The following LRRIQ1 variants were observed in gnomAD, a reference collection of about 807,000 sequenced individuals.
The protein encoded by LRRIQ1 is leucine rich repeats and IQ motif containing 1.
LRRIQ1 carries 210 observed loss-of-function variants against 211.9 expected under a neutral mutation model. The observed-to-expected ratio is 0.99, with a 90% CI of 0.89 to 1.11. The LOEUF is 1.11. Ranked by LOEUF, LRRIQ1 falls within the 50% of genes most tolerant of loss-of-function variation. The probability of loss-of-function intolerance (pLI) is 0.00; values close to 1 mark genes in which losing one functional copy is unlikely to be tolerated. For missense variants in LRRIQ1, 2,136 were observed against 1,939.5 expected (o/e 1.10, Z -1.90); for synonymous variants, 699 against 650.1 (o/e 1.08, Z -1.14).
intron 3 of LRRIQ1, among the ~76,000 whole-genome samples, chr12:85,041,409 G>A (rs947862194): frequency 6.6e-6 from 1 of 151,454 alleles, no homozygotes; most frequent in African/African-American, 2.4e-5. Context: ...TGCTATGAAG[G>A]AAAAAAATGT....
At chr12:85,224,340 A>G (rs1894545217) in intron 24 of LRRIQ1, among the ~76,000 whole-genome samples, 1 of 152,172 alleles carries the variant, frequency 6.6e-6, no homozygotes, top group African/African-American at 2.4e-5. Flanking sequence ...CAGTGTGGCA[A>G]TCTAGAACCA....
intron 15 of LRRIQ1, among the ~76,000 whole-genome samples, chr12:85,108,281 C>T (rs541048014): frequency 1.3e-3 from 197 of 152,160 alleles, no homozygotes; most frequent in Non-Finnish European, 2.4e-3. Context: ...TAATTTAGCC[C>T]TACTACTATG....
intron 19 of LRRIQ1, among the ~76,000 whole-genome samples, chr12:85,150,884 T>C (rs989811827): frequency 6.6e-6 from 1 of 151,676 alleles, no homozygotes; most frequent in Non-Finnish European, 1.5e-5. Context: ...CATGAGATTT[T>C]GAAATATGTA....
intron 4 of LRRIQ1, among the ~76,000 whole-genome samples, chr12:85,045,643 A>G (rs1184603038): frequency 1.3e-5 from 2 of 151,958 alleles, no homozygotes; most frequent in Non-Finnish European, 2.9e-5. Flanking sequence ...CATATAGAAT[A>G]TATAAAAAGT....
intron 24 of LRRIQ1, among the ~76,000 whole-genome samples, chr12:85,222,943 C>A (rs61930053): frequency 6.6e-6 from 1 of 152,184 alleles, no homozygotes; most frequent in African/African-American, 2.4e-5. Flanking sequence ...AAGAAGGAAC[C>A]AGATTAGTAG....
intron 24 of LRRIQ1, among the ~76,000 whole-genome samples, chr12:85,175,179 A>G (rs1017660033): frequency 6.6e-6 from 1 of 152,132 alleles, no homozygotes; most frequent in Non-Finnish European, 1.5e-5. Context: ...TACTGAGGGA[A>G]CTGCTCCACT....
chr12:85,078,198 T>A (rs1195601244), intron 11 of LRRIQ1, among the ~76,000 whole-genome samples: 1 of 152,156 alleles, frequency 6.6e-6, no homozygotes, highest in Non-Finnish European at 1.5e-5. Context: ...CCTTATTTGG[T>A]CACCACAAAT....
At chr12:85,216,489 T>C (rs547467331) in intron 24 of LRRIQ1, among the ~76,000 whole-genome samples, 22 of 150,414 alleles carry the variant, frequency 1.5e-4, no homozygotes, top group African/African-American at 5.1e-4. Flanking sequence ...AATTTACATA[T>C]AATTTAATAT....
the LRRIQ1 span, among the ~76,000 whole-genome samples, chr12:85,270,325 G>A: frequency 6.6e-6 from 1 of 152,048 alleles, no homozygotes; most frequent in African/African-American, 2.4e-5. Flanking sequence ...GACAGAGTTA[G>A]GAGTAGGATC....
At chr12:85,267,197 TGTAA>T (rs1402328013), downstream of LRRIQ1, among the ~76,000 whole-genome samples, 1 of 152,128 alleles carries the variant, frequency 6.6e-6, no homozygotes, top group Non-Finnish European at 1.5e-5. Flanking sequence ...CATTGTCCAA[TGTAA>T]GTATGATGTG....
chr12:85,091,383 A>G (rs1269471803), intron 11 of LRRIQ1, among the ~76,000 whole-genome samples: 5 of 152,042 alleles, frequency 3.3e-5, no homozygotes, highest in Non-Finnish European at 5.9e-5. Context: ...TTCCTTATAG[A>G]TTCTGTATTT....
intron 13 of LRRIQ1, among the ~76,000 whole-genome samples, chr12:85,103,717 T>G (rs1049995970): frequency 2.6e-5 from 4 of 151,592 alleles, no homozygotes; most frequent in Non-Finnish European, 4.4e-5. Flanking sequence ...CACATGAAAA[T>G]CCATGATTTT....
chr12:85,200,941 T>A (rs1893258564), intron 24 of LRRIQ1, among the ~76,000 whole-genome samples: 1 of 151,972 alleles, frequency 6.6e-6, no homozygotes, highest in Non-Finnish European at 1.5e-5. Flanking sequence ...TGCCTCAGCC[T>A]CCCGAGTAGC....
At chr12:85,217,508 A>ATG (rs370971727) in intron 24 of LRRIQ1, among the ~76,000 whole-genome samples, 21,855 of 64,196 alleles carry the variant, frequency 0.34, 3,681 homozygotes, top group Middle Eastern at 0.5. Flanking sequence ...ATATATATAT[A>ATG]TGTGTGTGTG....
chr12:85,223,593 A>G (rs928778603), intron 24 of LRRIQ1, among the ~76,000 whole-genome samples: 1 of 152,168 alleles, frequency 6.6e-6, no homozygotes, highest in Non-Finnish European at 1.5e-5. Context: ...ATTGGGAAAT[A>G]CCTATAAATT....
chr12:85,153,513 A>G, intron 21 of LRRIQ1, 150 bp from the exon 22 acceptor site: 1 of 623,394 alleles, frequency 1.6e-6, no homozygotes, highest in East Asian at 3.0e-5. Flanking sequence ...TTTTAAATTA[A>G]TGGCAGACTT....
Position 85,106,516 on chromosome 12 carries a change from C to A in LRRIQ1, c.3284-6C>A. On this transcript the variant is annotated splice_polypyrimidine_tract_variant and splice_region_variant and intron_variant, in intron 14 of 26. Transcript: ENST00000393217. ...ATACCTTTCAAAATGATTTTATTTT[C>A]TGTAGATCTTAAAAGTGCCATAAAA... The A allele has an allele frequency of 6.3e-7, 1 of 1,581,176 alleles. No individual in the cohort carries two copies. The highest frequency in any genetic ancestry group is 8.7e-7 in the Non-Finnish European group (1 of 1,152,494).
intron 24 of LRRIQ1, among the ~76,000 whole-genome samples, chr12:85,176,659 G>C (rs1168412379): frequency 1.3e-5 from 2 of 150,468 alleles, no homozygotes; most frequent in African/African-American, 2.4e-5. Flanking sequence ...GAGTTAGTGG[G>C]TGCAGTGCAC....
At chr12:85,136,023 G>A (rs1464391795) in intron 18 of LRRIQ1, among the ~76,000 whole-genome samples, 4 of 151,910 alleles carry the variant, frequency 2.6e-5, no homozygotes, top group Non-Finnish European at 5.9e-5. Flanking sequence ...TTGATGTTTT[G>A]AAATTATAGT....
Sources: gnomAD v4.1 joint callset for allele counts (sites outside exome capture counted in the v4.1 genomes callset) on GRCh38, gnomAD v4.1.1 for gene constraint, MANE v1.5 for transcripts, NCBI Gene and HGNC (gene_info 2026-07-23, HGNC 2026-07-21) for gene names.